Variants in NDEL1 observed in about 807,000 individuals in gnomAD.
NDEL1 encodes nudE neurodevelopment protein 1 like 1.
Under a neutral mutation model 45.7 loss-of-function variants are expected in NDEL1, and 9 were observed. That is an observed-to-expected ratio of 0.20 (90% CI 0.12 to 0.34). The LOEUF is 0.34. Among genes scored for constraint, NDEL1 ranks in the 10% least tolerant of loss-of-function variants. The pLI, the probability that NDEL1 is intolerant of heterozygous loss-of-function variation, is 1.00. For synonymous variants in NDEL1, 133 were observed against 158.6 expected (o/e 0.84, Z 1.21); for missense variants, 306 against 406.2 (o/e 0.75, Z 2.12).
upstream of NDEL1, chr17:8,435,790 G>GCCCCCCCCCCCCCC: frequency 1.1e-5 from 4 of 371,036 alleles, no homozygotes; most frequent in South Asian, 1.9e-5. Flanking sequence ...TGTGACACCA[G>GCCCCCCCCCCCCCC]CCCCGCCCCA....
chr17:8,447,530 T>C (rs1467616167), intron 4 of NDEL1, among the ~76,000 whole-genome samples: 1 of 152,246 alleles, frequency 6.6e-6, no homozygotes, highest in Non-Finnish European at 1.5e-5. Context: ...ATACTTCCTG[T>C]AGGTCCTCAT....
chr17:8,444,458 G>A (rs1031300983), intron 2 of NDEL1, 101 bp downstream of exon 2: 1 of 754,562 alleles, frequency 1.3e-6, no homozygotes, highest in South Asian at 1.7e-5. Context: ...ATTTAGAATT[G>A]CAGATTTAGG....
intron 8 of NDEL1, 36 bp downstream of exon 8, chr17:8,460,196 G>T (rs1333726317): frequency 1.9e-6 from 3 of 1,592,010 alleles, no homozygotes; most frequent in African/African-American, 2.7e-5. Flanking sequence ...AATTTTTTGA[G>T]TAGTAAAGTG....
intron 5 of NDEL1, among the ~76,000 whole-genome samples, chr17:8,449,278 G>T (rs895368785): frequency 2.6e-5 from 4 of 152,160 alleles, no homozygotes; most frequent in Non-Finnish European, 5.9e-5. Flanking sequence ...ACCGCGCCTG[G>T]CCCCATCCAG....
intron 6 of NDEL1, among the ~76,000 whole-genome samples, chr17:8,454,253 C>A (rs909279699): frequency 2.4e-5 from 3 of 125,096 alleles, no homozygotes; most frequent in Non-Finnish European, 5.4e-5. Context: ...AGAGTTCTTA[C>A]AAATTGATTA....
chr17:8,413,784 A>T (rs1175393892), intron 1 of NDEL1, among the ~76,000 whole-genome samples: 1 of 152,160 alleles, frequency 6.6e-6, no homozygotes, highest in Non-Finnish European at 1.5e-5. Flanking sequence ...ATTTTTTTGG[A>T]TGTTTGTAAA....
intron 1 of NDEL1, among the ~76,000 whole-genome samples, chr17:8,417,664 T>A (rs1908585188): frequency 6.6e-6 from 1 of 152,070 alleles, no homozygotes; most frequent in South Asian, 2.1e-4. Flanking sequence ...ATCTCCTGCC[T>A]GGAGGATACA....
At chr17:8,416,564 T>C (rs912203849) in intron 1 of NDEL1, among the ~76,000 whole-genome samples, 11 of 152,224 alleles carry the variant, frequency 7.2e-5, no homozygotes, top group Admixed American at 2.6e-4. Flanking sequence ...TCCTTTGTAC[T>C]TGTCCTGGTT....
At chr17:8,461,300 C>T (rs768109146) in intron 8 of NDEL1, 1 of 152,112 alleles carries the variant, frequency 6.6e-6, no homozygotes, top group Non-Finnish European at 1.5e-5. Context: ...TGATCTCTGT[C>T]CCTGATTTTA....
At chr17:8,442,450 T>C (rs1909799785) in intron 1 of NDEL1, among the ~76,000 whole-genome samples, 1 of 152,234 alleles carries the variant, frequency 6.6e-6, no homozygotes, top group Non-Finnish European at 1.5e-5. Flanking sequence ...AGGGTCTTGC[T>C]GTGTTGCCCA....
chr17:8,456,492 C>CTT lies in NDEL1; in HGVS notation c.792+1627_792+1628dup, dbSNP rs57327945. Among the ~76,000 whole-genome samples, 74 of 82,792 alleles carry CTT rather than the reference C, an allele frequency of 8.9e-4. 1 individual carries two copies. The highest frequency in any genetic ancestry group is 2.7e-3 in the African/African-American group (63 of 23,132). The allele number at this position is 82,792 out of a possible 152,430, so 54.3% of individuals were successfully genotyped here. On this transcript the variant is annotated intron_variant, in intron 7 of 8. Transcript: ENST00000334527. ...TGTTTCTGAATGTATTAGGTTATAT[C>CTT]TTTTTTTTTTTTTTTTTTTTTTTGA...
intron 1 of NDEL1, among the ~76,000 whole-genome samples, chr17:8,442,114 T>G (rs1467326536): frequency 6.6e-6 from 1 of 152,196 alleles, no homozygotes; most frequent in African/African-American, 2.4e-5. Flanking sequence ...GCAGTGGTTA[T>G]CTCTAAGGTT....
chr17:8,445,666 G>A (rs1910036214), intron 2 of NDEL1, 45 bp from the exon 3 acceptor site: 2 of 1,569,832 alleles, frequency 1.3e-6, no homozygotes, highest in African/African-American at 1.4e-5. Context: ...GACAATCCTT[G>A]TGGTTCTTAG....
intron 1 of NDEL1, among the ~76,000 whole-genome samples, chr17:8,416,000 G>A (rs913428265): frequency 6.6e-6 from 1 of 152,004 alleles, no homozygotes; most frequent in South Asian, 2.1e-4. Flanking sequence ...ACCCGTCTCC[G>A]CCTCCCAAAG....
Position 8,467,575 on chromosome 17 carries a change from T to C in NDEL1, c.*552T>C, listed in dbSNP as rs893423929. ...GGGAACATTTTCTGCACCTTCTGATTTTACTTAAGCAGCTACCATTCCATG... is the reference window on the plus strand; with the variant it reads ...GGGAACATTTTCTGCACCTTCTGATCTTACTTAAGCAGCTACCATTCCATG... On this transcript the variant is annotated 3_prime_UTR_variant, in exon 9 of 9. Coordinates refer to ENST00000334527, the MANE Select transcript of NDEL1 (RefSeq NM_030808.5). This position sits in a 1 kb window ranked among gnomAD's most constrained non-coding sequence, Gnocchi z 6.3. The C allele has an allele frequency of 4.1e-5, 8 of 195,662 alleles. No individual in the cohort carries two copies. The highest frequency in any genetic ancestry group is 7.2e-5 in the Non-Finnish European group (7 of 96,860). 12.1% of individuals were successfully genotyped at this position (195,662 alleles called of 1,614,324 possible).
rs560944273 is a variant in NDEL1, at chr17:8,455,220, G to A, written c.792+333G>A. 7.9e-5 allele frequency among the ~76,000 whole-genome samples: 12 copies of A among 152,288 alleles called. No individual in the cohort carries two copies. The South Asian group carries it at 2.5e-3, about 32-fold the overall frequency. On this transcript the variant is annotated intron_variant, in intron 7 of 8. Coordinates refer to ENST00000334527, the MANE Select transcript of NDEL1 (RefSeq NM_030808.5). ...TACCACCCTCATCCTGGTCTTTGCT[G>A]CTGTCTACCGTCTTCCTGGTCATTC...
chr17:8,433,770 C>T (rs1909076411), upstream of NDEL1, among the ~76,000 whole-genome samples: 1 of 152,272 alleles, frequency 6.6e-6, no homozygotes, highest in South Asian at 2.1e-4. Flanking sequence ...TCTACCTCAG[C>T]TTCCCAGAGT....
In NDEL1 at chr17:8,473,196, T is replaced by A. The variant is rs1337087857; in HGVS notation, c.417+13036T>A. 2.6e-5 allele frequency among the ~76,000 whole-genome samples: 4 copies of A among 152,110 alleles called. No individual in the cohort carries two copies. The East Asian group carries it at 5.8e-4, about 22-fold the overall frequency. On this transcript the variant is annotated intron_variant, in intron 3 of 3. Transcript: ENST00000581679. Reference sequence around the variant, plus strand: ...CAGCCAGTAGGGAAGAATTCTTTTTTTTTTTGAGACGGAGTCGCCCTTCTC... The same window carrying A: ...CAGCCAGTAGGGAAGAATTCTTTTTATTTTTGAGACGGAGTCGCCCTTCTC...
intron 1 of NDEL1, among the ~76,000 whole-genome samples, chr17:8,443,197 G>A (rs1265899986): frequency 6.6e-6 from 1 of 152,190 alleles, no homozygotes; most frequent in Non-Finnish European, 1.5e-5. Context: ...CAGGCATTGG[G>A]CTGAGACGGA....
Sources: gnomAD v4.1 joint callset for allele counts (sites outside exome capture counted in the v4.1 genomes callset) on GRCh38, gnomAD v4.1.1 for gene constraint, Gnocchi (gnomAD v3.1) non-coding constraint, MANE v1.5 for transcripts, NCBI Gene and HGNC (gene_info 2026-07-23, HGNC 2026-07-21) for gene names.